ARSB: variants seen among roughly 807,000 people sequenced by gnomAD.
The protein encoded by ARSB is N-acetylgalactosamine-4-sulfatase.
Under a neutral mutation model 50.9 loss-of-function variants are expected in ARSB, and 41 were observed. That is an observed-to-expected ratio of 0.81 (90% confidence interval 0.63 to 1.04). The LOEUF (loss-of-function observed/expected upper bound fraction) is 1.04. ARSB is among the 50% of genes least tolerant of loss of function. ARSB has a pLI of 0.00. For missense variants in ARSB, 672 were observed against 693.3 expected, an observed-to-expected ratio of 0.97 and a Z score of 0.35; for synonymous variants, 269 against 284.8, an observed-to-expected ratio of 0.94 and a Z score of 0.56.
At chr5:78,795,239 G>A (rs1743135956) in intron 6 of ARSB, among the ~76,000 whole-genome samples, 1 of 152,192 alleles carries the variant, frequency 6.6e-6, no homozygotes, top group Admixed American at 6.5e-5. Flanking sequence ...CCCAGCAGAG[G>A]TGGCCAATGT....
chr5:78,828,328 G>A (rs1352322948), intron 6 of ARSB, among the ~76,000 whole-genome samples: 1 of 152,136 alleles, frequency 6.6e-6, no homozygotes, highest in Non-Finnish European at 1.5e-5. Context: ...CTGCATACAG[G>A]ATGAAATCCC....
chr5:78,816,124 A>G, intron 6 of ARSB: 1 of 1,614,162 alleles, frequency 6.2e-7, no homozygotes, highest in Non-Finnish European at 8.5e-7. Flanking sequence ...TCTGTAAAAC[A>G]CACAAAATGA....
intron 3 of ARSB, among the ~76,000 whole-genome samples, chr5:78,959,055 A>G (rs770653151): frequency 4.6e-5 from 7 of 152,154 alleles, no homozygotes; most frequent in Non-Finnish European, 1.0e-4. Flanking sequence ...TGTAGTTCCC[A>G]TAATCCCCAT....
intron 6 of ARSB, among the ~76,000 whole-genome samples, chr5:78,832,048 T>C (rs768831492): frequency 1.1e-4 from 17 of 151,792 alleles, no homozygotes; most frequent in Non-Finnish European, 2.1e-4. Context: ...AACTATACAA[T>C]GAAGCCTTGC....
In ARSB at chr5:78,780,605, G is replaced by A. The variant is rs1209412483; in HGVS notation, c.1394C>T (p.Ser465Leu). Residue 465 changes from serine (S) to leucine (L), a missense_variant, in exon 8 of 8, where the codon TCA becomes TTA. Transcript: ENST00000264914. ...SQYNVSEIPS[S>L]DPPTKTLWLF... Reference sequence around the variant, plus strand: ...CCAGAGGGTCTTGGTTGGTGGGTCTGATGAGGGTATCTCAGAAACATTGTA... The same window carrying A: ...CCAGAGGGTCTTGGTTGGTGGGTCTAATGAGGGTATCTCAGAAACATTGTA... The A allele has an allele frequency of 1.9e-6, 3 of 1,614,058 alleles. No individual in the cohort carries two copies. The African/African-American group carries it at 4.0e-5, about 22-fold the overall frequency.
intron 5 of ARSB, among the ~76,000 whole-genome samples, chr5:78,853,677 G>C (rs1011343957): frequency 7.9e-5 from 12 of 152,222 alleles, no homozygotes; most frequent in Non-Finnish European, 1.6e-4. Context: ...GCCTACAGAG[G>C]CAGGCAGGCC....
intron 4 of ARSB, among the ~76,000 whole-genome samples, chr5:78,921,450 A>G (rs1432101515): frequency 4.6e-5 from 7 of 152,342 alleles, no homozygotes; most frequent in Admixed American, 6.5e-5. Flanking sequence ...AAAAGACTGT[A>G]AAACATCTCA....
intron 1 of ARSB, among the ~76,000 whole-genome samples, chr5:78,972,600 T>C (rs1017093791): frequency 2.0e-5 from 3 of 151,128 alleles, no homozygotes; most frequent in East Asian, 1.9e-4. Context: ...GAAGAGAAAA[T>C]TGACCCTAGG....
At chr5:78,815,633 T>C (rs2112664647) in intron 6 of ARSB, 2 of 1,001,580 alleles carry the variant, frequency 2.0e-6, no homozygotes, top group South Asian at 8.4e-5. Context: ...CTATATGCTA[T>C]TAGGTAATAA....
Position 78,777,391 on chromosome 5 carries a change from C to G in ARSB, c.*3006G>C, listed in dbSNP as rs1748800369. 6.6e-6 allele frequency: 1 copy of G among 152,548 alleles called. No homozygotes were observed. The highest frequency in any genetic ancestry group is 2.4e-5 in the African/African-American group (1 of 41,416). 9.4% of individuals were successfully genotyped at this position (152,548 alleles called of 1,614,324 possible). A position where few individuals can be genotyped will look rare whatever the true frequency, so the allele number is the denominator to read the frequency against. ...AATTGCATTTATGATGTTGTATAACCATGACCACTATCTAGTTCCAGAACT... is the reference window on the plus strand; with the variant it reads ...AATTGCATTTATGATGTTGTATAACGATGACCACTATCTAGTTCCAGAACT... On this transcript the variant is annotated 3_prime_UTR_variant, in exon 8 of 8. Coordinates refer to ENST00000264914, the MANE Select transcript of ARSB (RefSeq NM_000046.5).
At chr5:78,837,610 G>C (rs1269997647) in intron 6 of ARSB, among the ~76,000 whole-genome samples, 1 of 152,152 alleles carries the variant, frequency 6.6e-6, no homozygotes, top group Non-Finnish European at 1.5e-5. Flanking sequence ...AGGAAGAGGA[G>C]AGAAGTAAAA....
chr5:78,780,710 G>A, intron 7 of ARSB, 48 bp from the exon 8 acceptor site: 1 of 1,609,250 alleles, frequency 6.2e-7, no homozygotes. Flanking sequence ...CACAGAGGCA[G>A]GTTCTAATTT....
rs1337140255 is a variant in ARSB, at chr5:78,779,709, AG to A, written c.*687del. The A allele has an allele frequency of 2.0e-5, 3 of 152,884 alleles. No individual in the cohort carries two copies. Among genetic ancestry groups the A allele is most frequent in the African/African-American group, 7.2e-5 (3 of 41,470 alleles). 9.5% of individuals were successfully genotyped at this position (152,884 alleles called of 1,614,324 possible). A position where few individuals can be genotyped will look rare whatever the true frequency, so the allele number is the denominator to read the frequency against. On this transcript the variant is annotated 3_prime_UTR_variant, in exon 8 of 8. Coordinates refer to ENST00000264914, the MANE Select transcript of ARSB (RefSeq NM_000046.5). ...TGAGGTCAAAAGGAAAGGCAGGAAA[AG>A]CCACAGAAGAATTGGAAGTGGCAGG... is the stretch of plus-strand genomic sequence containing the variant.
chr5:78,904,685 C>CTTTTTTTTTTTTTTTT (rs55920994), intron 4 of ARSB, among the ~76,000 whole-genome samples: 1 of 98,932 alleles, frequency 1.0e-5, no homozygotes, highest in Non-Finnish European at 2.0e-5. Flanking sequence ...TTCTTTCTTT[C>CTTTTTTTTTTTTTTTT]TTTTTTTTTT....
At chr5:78,955,143 T>C in intron 4 of ARSB, 152 bp downstream of exon 4, 6 of 762,396 alleles carry the variant, frequency 7.9e-6, no homozygotes, top group Non-Finnish European at 1.3e-5. Context: ...CTTAGATATA[T>C]CTTTCCATCC....
intron 5 of ARSB, among the ~76,000 whole-genome samples, chr5:78,867,357 TG>T (rs1189823449): frequency 1.3e-5 from 2 of 151,894 alleles, no homozygotes; most frequent in Non-Finnish European, 2.9e-5. Flanking sequence ...GCTCCACCTC[TG>T]GGGGCAGGGC....
At chr5:78,896,898 T>C (rs1484949601) in intron 4 of ARSB, among the ~76,000 whole-genome samples, 1 of 152,104 alleles carries the variant, frequency 6.6e-6, no homozygotes, top group Non-Finnish European at 1.5e-5. Flanking sequence ...CTCAGTGTAA[T>C]ACAGAGTAGA....
intron 6 of ARSB, among the ~76,000 whole-genome samples, chr5:78,806,490 A>G (rs914049191): frequency 2.6e-5 from 4 of 152,240 alleles, no homozygotes; most frequent in Admixed American, 2.0e-4. Flanking sequence ...TGGATATATT[A>G]CAGGATTGAT....
Position 78,984,463 on chromosome 5 carries a change from T to C in ARSB, c.312+474A>G, listed in dbSNP as rs571032372. ...GGGGTGTTGAGAACCTGGAAAAAAA[T>C]AATCTTTGGTGGGACACTCCTAACC... On this transcript the variant is annotated intron_variant, in intron 1 of 7. Coordinates refer to ENST00000264914, the MANE Select transcript of ARSB (RefSeq NM_000046.5). 6.6e-5 allele frequency among the ~76,000 whole-genome samples: 10 copies of C among 151,984 alleles called. No homozygotes were observed. The East Asian group carries it at 1.9e-3, about 30-fold the overall frequency.
Sources: gnomAD v4.1 joint callset for allele counts (sites outside exome capture counted in the v4.1 genomes callset) on GRCh38, gnomAD v4.1.1 for gene constraint, MANE v1.5 for transcripts, NCBI Gene and HGNC (gene_info 2026-07-23, HGNC 2026-07-21) for gene names.